Variants in CTNNA3 observed in about 807,000 individuals in gnomAD.
The protein encoded by CTNNA3 is catenin alpha-3.
In CTNNA3, 76 loss-of-function variants were observed where a neutral mutation model predicts 95.7. The observed-to-expected ratio is 0.79, with a 90% CI of 0.66 to 0.96. The LOEUF is 0.96. Among genes scored for constraint, CTNNA3 ranks in the 40% least tolerant of loss-of-function variants. CTNNA3 has a pLI of 0.00. For synonymous variants in CTNNA3, 431 were observed against 374.4 expected (o/e 1.15, Z -1.74); for missense variants, 1,191 against 1,089.8 (o/e 1.09, Z -1.31).
intron 2 of CTNNA3, among the ~76,000 whole-genome samples, chr10:67,619,224 A>G: frequency 6.6e-6 from 1 of 152,204 alleles, no homozygotes; most frequent in Non-Finnish European, 1.5e-5. Context: ...ATTTACTATA[A>G]AGCTATATTA....
chr10:66,414,703 T>C (rs1224325436), intron 11 of CTNNA3, among the ~76,000 whole-genome samples: 1 of 152,116 alleles, frequency 6.6e-6, no homozygotes, highest in Non-Finnish European at 1.5e-5. Flanking sequence ...CTGAGGCTAA[T>C]GTGCAAGAGA....
chr10:66,679,489 G>T (rs1846989166), intron 9 of CTNNA3, among the ~76,000 whole-genome samples: 1 of 152,194 alleles, frequency 6.6e-6, no homozygotes, highest in Non-Finnish European at 1.5e-5. Flanking sequence ...TCTGTAGTTA[G>T]AAGTTGGGTC....
At chr10:67,326,785 G>C (rs1207265549) in intron 5 of CTNNA3, among the ~76,000 whole-genome samples, 6 of 152,120 alleles carry the variant, frequency 3.9e-5, no homozygotes, top group African/African-American at 1.4e-4. Context: ...AGCTAGGCTG[G>C]GGAAGTTCTG....
At chr10:67,692,914 TGA>T (rs947328599) in intron 1 of CTNNA3, among the ~76,000 whole-genome samples, 2 of 152,270 alleles carry the variant, frequency 1.3e-5, no homozygotes, top group Non-Finnish European at 2.9e-5. Flanking sequence ...TTCCAGTATT[TGA>T]GAGACTTTCT....
chr10:67,500,449 T>C (rs1220239590), intron 5 of CTNNA3, among the ~76,000 whole-genome samples: 2 of 152,182 alleles, frequency 1.3e-5, no homozygotes, highest in African/African-American at 4.8e-5. Context: ...ATTAGGTCTG[T>C]TTGTTCCAGA....
chr10:67,582,719 C>T (rs1236246081), intron 3 of CTNNA3, among the ~76,000 whole-genome samples: 1 of 151,934 alleles, frequency 6.6e-6, no homozygotes, highest in African/African-American at 2.4e-5. Flanking sequence ...TCTCTAAGGA[C>T]TTGCTTTATT....
intron 10 of CTNNA3, among the ~76,000 whole-genome samples, chr10:66,587,908 A>C (rs1843415439): frequency 6.6e-6 from 1 of 152,164 alleles, no homozygotes; most frequent in Non-Finnish European, 1.5e-5. Context: ...CCATGGCTAT[A>C]GCAAACTTAC....
At position 65,943,772 on chromosome 10, in the gene CTNNA3, A is replaced by G. The variant is rs116497180; in HGVS notation, c.2400+22840T>C. On this transcript the variant is annotated intron_variant, in intron 17 of 17. Coordinates refer to ENST00000433211, the MANE Select transcript of CTNNA3 (RefSeq NM_013266.4). ...CCCCCAGTTTTATCTTAGAATAGGT[A>G]TGTGAACATGAGCAAATTATTAACC... Among the ~76,000 whole-genome samples the G allele has an allele frequency of 7.8e-3, 1,193 of 152,318 alleles. 16 individuals carry two copies. Among genetic ancestry groups the G allele is most frequent in the African/African-American group, 0.027 (1,130 of 41,572 alleles).
At chr10:67,318,289 T>A (rs1342300407) in intron 5 of CTNNA3, among the ~76,000 whole-genome samples, 1 of 152,172 alleles carries the variant, frequency 6.6e-6, no homozygotes, top group Non-Finnish European at 1.5e-5. Context: ...ATGGAAAGAT[T>A]GAAACATTAA....
At chr10:66,036,149 C>T (rs766891106) in intron 15 of CTNNA3, among the ~76,000 whole-genome samples, 2 of 152,130 alleles carry the variant, frequency 1.3e-5, no homozygotes, top group African/African-American at 2.4e-5. Flanking sequence ...ATGTTTTATA[C>T]ATCTACCAGC....
chr10:67,250,733 A>G (rs974476381), intron 5 of CTNNA3, among the ~76,000 whole-genome samples: 1 of 152,216 alleles, frequency 6.6e-6, no homozygotes, highest in African/African-American at 2.4e-5. Flanking sequence ...GATATTCAAC[A>G]TAGTAGCCAT....
intron 11 of CTNNA3, among the ~76,000 whole-genome samples, chr10:66,484,422 G>T (rs1205069419): frequency 6.6e-6 from 1 of 151,730 alleles, no homozygotes; most frequent in Non-Finnish European, 1.5e-5. Context: ...TTATATATTT[G>T]AAACTTGTAT....
At chr10:66,572,041 A>T (rs1301203368) in intron 10 of CTNNA3, among the ~76,000 whole-genome samples, 3 of 150,596 alleles carry the variant, frequency 2.0e-5, no homozygotes, top group African/African-American at 7.3e-5. Context: ...ACTTACGGAC[A>T]TCTTTTCATT....
intron 7 of CTNNA3, among the ~76,000 whole-genome samples, chr10:66,841,849 T>G (rs1421564367): frequency 6.6e-6 from 1 of 152,114 alleles, no homozygotes; most frequent in Admixed American, 6.5e-5. Flanking sequence ...TACTAACAAC[T>G]GCCATAAAAT....
rs147775531 is a variant in CTNNA3, at chr10:66,842,100, G to A, written c.1048-66576C>T. 3.0e-4 allele frequency among the ~76,000 whole-genome samples: 45 copies of A among 151,692 alleles called. No individual in the cohort carries two copies. In the East Asian group the frequency reaches 7.2e-3, roughly 24 times the overall value. On this transcript the variant is annotated intron_variant, in intron 7 of 17. Transcript: ENST00000433211. The stretch of plus-strand genomic sequence containing the variant: ...ACGCACACCAAACCTGGCTAAATTC[G>A]TTTTTCTTTTTTTCTTTTTTTTTGG...
intron 17 of CTNNA3, among the ~76,000 whole-genome samples, chr10:65,931,097 T>C (rs532066205): frequency 6.6e-6 from 1 of 152,304 alleles, no homozygotes; most frequent in South Asian, 2.1e-4. Context: ...GATTCAACCA[T>C]GGTTTAACTT....
intron 9 of CTNNA3, among the ~76,000 whole-genome samples, chr10:66,634,607 G>C (rs1273370882): frequency 6.6e-6 from 1 of 150,962 alleles, no homozygotes; most frequent in Non-Finnish European, 1.5e-5. Context: ...GTGTGTGTGT[G>C]TCTGCAGCAG....
chr10:67,255,947 C>G (rs1443906341), intron 5 of CTNNA3, among the ~76,000 whole-genome samples: 1 of 151,680 alleles, frequency 6.6e-6, no homozygotes, highest in East Asian at 1.9e-4. Context: ...GAATTCTTAC[C>G]ACTGAAAACC....
rs187531617 is a variant in CTNNA3 at position 66,935,967 on chromosome 10, G to A, written c.1048-160443C>T. Among the ~76,000 whole-genome samples, 957 of 152,048 alleles carry A rather than the reference G, an allele frequency of 6.3e-3. 9 individuals carry two copies. Among genetic ancestry groups the A allele is most frequent in the African/African-American group, 0.022 (899 of 41,448 alleles). ...CAGATCCCTTTAGGAAATAATTTCC[G>A]ATGATTTACCATTAGAACATCCCTC... On this transcript the variant is annotated intron_variant, in intron 7 of 17. Coordinates refer to ENST00000433211, the MANE Select transcript of CTNNA3 (RefSeq NM_013266.4).
Sources: gnomAD v4.1 joint callset for allele counts (sites outside exome capture counted in the v4.1 genomes callset) on GRCh38, gnomAD v4.1.1 for gene constraint, MANE v1.5 for transcripts, NCBI Gene and HGNC (gene_info 2026-07-23, HGNC 2026-07-21) for gene names.